Variants in ELMO1 observed in about 807,000 individuals in gnomAD.
The protein encoded by ELMO1 is engulfment and cell motility protein 1.
In ELMO1, 26 loss-of-function variants were observed where a neutral mutation model predicts 98.9. That is an observed-to-expected ratio of 0.26 (90% CI 0.19 to 0.36). The LOEUF is 0.36. ELMO1 is among the 10% of genes least tolerant of loss of function. ELMO1 has a pLI of 1.00. For missense variants in ELMO1, 627 were observed against 935.2 expected (o/e 0.67, Z 4.30); for synonymous variants, 346 against 346.0 (o/e 1.00, Z 0.00).
At chr7:37,251,706 A>T (rs567675232) in intron 6 of ELMO1, among the ~76,000 whole-genome samples, 1 of 152,338 alleles carries the variant, frequency 6.6e-6, no homozygotes, top group South Asian at 2.1e-4. Context: ...CTCCTATTCA[A>T]CATAGTATTG....
chr7:37,362,757 G>C (rs1181425385), intron 1 of ELMO1, among the ~76,000 whole-genome samples: 2 of 152,148 alleles, frequency 1.3e-5, no homozygotes. Flanking sequence ...ATTAGAAAAT[G>C]GCTTTGTGGT....
chr7:37,314,028 G>A (rs188711876), intron 4 of ELMO1, among the ~76,000 whole-genome samples: 4 of 152,194 alleles, frequency 2.6e-5, no homozygotes, highest in South Asian at 2.1e-4. Flanking sequence ...AAGTTGTGTC[G>A]GATGCGAAAC....
intron 1 of ELMO1, among the ~76,000 whole-genome samples, chr7:37,350,848 GA>G (rs1442617934): frequency 6.6e-6 from 1 of 152,194 alleles, no homozygotes; most frequent in Non-Finnish European, 1.5e-5. Flanking sequence ...AGAAGGTACA[GA>G]GGGGAGACCA....
At chr7:37,110,426 C>A (rs561689791) in intron 14 of ELMO1, among the ~76,000 whole-genome samples, 1 of 152,292 alleles carries the variant, frequency 6.6e-6, no homozygotes, top group African/African-American at 2.4e-5. Flanking sequence ...TACACAGCAA[C>A]TTTTACGCTG....
chr7:37,331,333 C>CTTTGTTTTTT (rs1800100491), intron 2 of ELMO1, among the ~76,000 whole-genome samples: 1 of 28,716 alleles, frequency 3.5e-5, no homozygotes, highest in African/African-American at 1.1e-4. Context: ...CCACGCCTGG[C>CTTTGTTTTTT]TTTTTTTTTT....
intron 14 of ELMO1, among the ~76,000 whole-genome samples, chr7:37,131,330 G>A (rs1481051257): frequency 1.3e-5 from 2 of 152,026 alleles, no homozygotes; most frequent in African/African-American, 4.8e-5. Context: ...TTTACAAATA[G>A]GTTTTTTCTT....
intron 4 of ELMO1, among the ~76,000 whole-genome samples, chr7:37,303,742 T>G (rs1798464795): frequency 6.6e-6 from 1 of 152,220 alleles, no homozygotes; most frequent in Non-Finnish European, 1.5e-5. Context: ...AGTACTTCAG[T>G]CAATCTATTC....
chr7:37,369,025 A>G (rs1365863071), intron 1 of ELMO1, among the ~76,000 whole-genome samples: 1 of 152,356 alleles, frequency 6.6e-6, no homozygotes, highest in Admixed American at 6.5e-5. Flanking sequence ...ATATTTCTGT[A>G]TAAAGCAATA....
At chr7:37,188,794 G>T (rs915083015) in intron 13 of ELMO1, among the ~76,000 whole-genome samples, 1 of 152,054 alleles carries the variant, frequency 6.6e-6, no homozygotes, top group Non-Finnish European at 1.5e-5. Context: ...ATCTTGCTGG[G>T]GTTTAGGGTA....
At chr7:37,009,545 C>T (rs887348945) in intron 16 of ELMO1, among the ~76,000 whole-genome samples, 2 of 152,108 alleles carry the variant, frequency 1.3e-5, no homozygotes, top group Non-Finnish European at 2.9e-5. Flanking sequence ...CCAAGGAAGG[C>T]GGGCTGCAGA....
intron 16 of ELMO1, among the ~76,000 whole-genome samples, chr7:36,968,509 G>A (rs982461826): frequency 4.6e-5 from 7 of 152,126 alleles, no homozygotes; most frequent in South Asian, 2.1e-4. Context: ...GTGTCTGGGT[G>A]TACTAATTGA....
At position 37,277,180 on chromosome 7, in the gene ELMO1, C is replaced by T. The variant is rs140405734; in HGVS notation, c.193-5298G>A. ...AAGTTAAACAGGACTAATTCCTGTC[C>T]GCTGGGAATTGGTCAGTGACAGAAA... On this transcript the variant is annotated intron_variant, in intron 4 of 21. Transcript: ENST00000310758. 9.8e-5 allele frequency among the ~76,000 whole-genome samples: 15 copies of T among 152,342 alleles called. No homozygotes were observed. The East Asian group carries it at 2.9e-3, about 29-fold the overall frequency.
In ELMO1 at chr7:37,342,491, G is replaced by T; in HGVS notation, c.78+122C>A. The T allele has an allele frequency of 1.0e-6, 1 of 1,003,252 alleles. No homozygotes were observed. The highest frequency in any genetic ancestry group is 1.6e-6 in the Non-Finnish European group (1 of 635,428). 62.1% of individuals were successfully genotyped at this position (1,003,252 alleles called of 1,614,324 possible). A position where few individuals can be genotyped will look rare whatever the true frequency, so the allele number is the denominator to read the frequency against. On this transcript the variant is annotated intron_variant, in intron 2 of 21. Coordinates refer to ENST00000310758, the MANE Select transcript of ELMO1 (RefSeq NM_014800.11). This position sits in a 1 kb window ranked among gnomAD's most constrained non-coding sequence, Gnocchi z 4.3. Reference sequence around the variant, plus strand: ...AATCAAGCACATTGCAACTATTATTGCACAGATTTTTCAACACAGCTAGAG... The same window carrying T: ...AATCAAGCACATTGCAACTATTATTTCACAGATTTTTCAACACAGCTAGAG...
chr7:37,171,750 C>T (rs1023553097), intron 13 of ELMO1, among the ~76,000 whole-genome samples: 2 of 152,020 alleles, frequency 1.3e-5, no homozygotes, highest in Non-Finnish European at 2.9e-5. Flanking sequence ...CCTCGGCCTC[C>T]CAAAGTGCTG....
At chr7:36,962,458 G>C (rs1789033830) in intron 16 of ELMO1, among the ~76,000 whole-genome samples, 1 of 152,214 alleles carries the variant, frequency 6.6e-6, no homozygotes, top group East Asian at 1.9e-4. Flanking sequence ...CACTGAAGAA[G>C]TTCCTGTAGT....
intron 13 of ELMO1, among the ~76,000 whole-genome samples, chr7:37,203,340 G>A (rs993550295): frequency 6.6e-6 from 1 of 152,180 alleles, no homozygotes; most frequent in African/African-American, 2.4e-5. Context: ...ATGAAGTGGA[G>A]GGTCGTACCC....
At chr7:37,040,509 C>G (rs1355921583) in intron 15 of ELMO1, among the ~76,000 whole-genome samples, 1 of 152,200 alleles carries the variant, frequency 6.6e-6, no homozygotes, top group Admixed American at 6.5e-5. Flanking sequence ...CAGCTGCCAT[C>G]AGCATGTGCA....
chr7:37,202,445 A>G (rs1241571005), intron 13 of ELMO1, among the ~76,000 whole-genome samples: 1 of 152,210 alleles, frequency 6.6e-6, no homozygotes, highest in East Asian at 1.9e-4. Flanking sequence ...TAGTGATGAA[A>G]GCCTATGATA....
chr7:37,293,766 C>CAA (rs56775177), intron 4 of ELMO1, among the ~76,000 whole-genome samples: 4 of 100,884 alleles, frequency 4.0e-5, no homozygotes, highest in South Asian at 3.3e-4. Context: ...ACTCTATATC[C>CAA]AAAAAAAAAA....
Sources: allele counts gnomAD v4.1 joint callset (sites outside exome capture counted in the v4.1 genomes callset), GRCh38; gene constraint gnomAD v4.1.1; non-coding constraint Gnocchi (gnomAD v3.1); transcripts MANE v1.5; gene names NCBI Gene and HGNC (gene_info 2026-07-23, HGNC 2026-07-21).